CEP63: variants seen among roughly 807,000 people sequenced by gnomAD.
CEP63 encodes the protein centrosomal protein 63.
CEP63 carries 84 observed loss-of-function variants against 89.1 expected under a neutral mutation model. The observed-to-expected ratio is 0.94, with a 90% confidence interval of 0.79 to 1.13. The LOEUF is 1.13. CEP63 is among the 50% of genes most tolerant of loss of function. CEP63 has a pLI of 0.00. For missense variants in CEP63, 838 were observed against 813.3 expected, an observed-to-expected ratio of 1.03 and a Z score of -0.37; for synonymous variants, 267 against 272.5, an observed-to-expected ratio of 0.98 and a Z score of 0.20.
At chr3:134,610,784 G>T in the CEP63 span, 359 of 164,192 alleles carry the variant, frequency 2.2e-3, no homozygotes, top group Non-Finnish European at 3.1e-3. Flanking sequence ...CAATGTTCCT[G>T]CAACAAAACC....
chr3:134,665,702 C>CAGAGAG, the CEP63 span, among the ~76,000 whole-genome samples: 227 of 102,354 alleles, frequency 2.2e-3, 6 homozygotes, highest in African/African-American at 7.1e-3. Context: ...CACACACACA[C>CAGAGAG]AGAGAGAGAG....
chr3:134,668,224 A>G, the CEP63 span, among the ~76,000 whole-genome samples: 1 of 152,194 alleles, frequency 6.6e-6, no homozygotes, highest in African/African-American at 2.4e-5. Context: ...TGGGGGCTAC[A>G]CTGTGATGCT....
At chr3:134,624,178 C>T in the CEP63 span, among the ~76,000 whole-genome samples, 15 of 152,166 alleles carry the variant, frequency 9.9e-5, no homozygotes, top group Non-Finnish European at 1.8e-4. Context: ...CCCTCTCCCC[C>T]ACCTCCCACC....
At chr3:134,676,083 G>T in the CEP63 span, among the ~76,000 whole-genome samples, 1 of 152,246 alleles carries the variant, frequency 6.6e-6, no homozygotes, top group South Asian at 2.1e-4. Context: ...CTGCTCCTAG[G>T]TATATACCCA....
chr3:134,577,003 A>C (rs112158666), downstream of CEP63, among the ~76,000 whole-genome samples: 83 of 152,344 alleles, frequency 5.4e-4, no homozygotes, highest in African/African-American at 1.9e-3. Flanking sequence ...TAAAGTTTGT[A>C]ACCTCTGCTC....
the CEP63 span, among the ~76,000 whole-genome samples, chr3:134,760,396 T>C: frequency 6.6e-6 from 1 of 152,150 alleles, no homozygotes; most frequent in African/African-American, 2.4e-5. Flanking sequence ...TGCTACACAG[T>C]GCAGCAGGAA....
chr3:134,527,870 A>AGTTCGGGTCCAACAGTTGCCTT lies in CEP63; in HGVS notation c.223-3974_223-3953dup, dbSNP rs548328557. Among the ~76,000 whole-genome samples the AGTTCGGGTCCAACAGTTGCCTT allele has an allele frequency of 5.8e-4, 88 of 152,292 alleles. No individual in the cohort carries two copies. The East Asian group carries it at 0.015, about 26-fold the overall frequency. ...TATGATGGACAAGACTACCCTGCAG[A>AGTTCGGGTCCAACAGTTGCCTT]GTTCGGGTCCAACAGTTGCCTTAGA... On this transcript the variant is annotated intron_variant, in intron 3 of 14. Transcript: ENST00000675561.
At chr3:134,508,007 C>T (rs1421080499) in intron 3 of CEP63, among the ~76,000 whole-genome samples, 3 of 152,158 alleles carry the variant, frequency 2.0e-5, no homozygotes, top group Non-Finnish European at 4.4e-5. Flanking sequence ...TAGGGGAGCA[C>T]TGGTCCCATT....
rs1215585840 is a variant in CEP63 at position 134,495,328 on chromosome 3, C to T, written c.8C>T (p.Ala3Val). The T allele has an allele frequency of 6.2e-7, 1 of 1,613,590 alleles. No homozygotes were observed. The highest frequency in any genetic ancestry group is 1.1e-5 in the South Asian group (1 of 91,022). ...AACAAAGGGGATTTGGTGATGGAGG[C>T]TTTGTTAGAAGGAATACAAAATCGA... ME[A>V]LLEGIQNRGH... The change falls in exon 2 of 15, where the codon GCT (alanine) becomes GTT (valine). Residue 3 changes from alanine (A) to valine (V), a missense_variant. Coordinates refer to ENST00000675561, the MANE Select transcript of CEP63 (RefSeq NM_001353108.3).
At chr3:134,775,408 C>T in the CEP63 span, among the ~76,000 whole-genome samples, 1 of 152,140 alleles carries the variant, frequency 6.6e-6, no homozygotes, top group Admixed American at 6.5e-5. Flanking sequence ...CCTTTGGAAT[C>T]CCTACTTCAG....
intron 3 of CEP63, among the ~76,000 whole-genome samples, chr3:134,529,594 G>C (rs925093082): frequency 6.6e-6 from 1 of 152,068 alleles, no homozygotes; most frequent in Non-Finnish European, 1.5e-5. Flanking sequence ...GCCTGCCTTG[G>C]CCTCCCAAAG....
At chr3:134,662,157 A>G in the CEP63 span, among the ~76,000 whole-genome samples, 1 of 152,102 alleles carries the variant, frequency 6.6e-6, no homozygotes, top group Non-Finnish European at 1.5e-5. Context: ...CATGCTGGTA[A>G]TCCCAGCTAC....
the CEP63 span, among the ~76,000 whole-genome samples, chr3:134,688,988 G>A: frequency 3.3e-5 from 5 of 152,174 alleles, no homozygotes; most frequent in African/African-American, 1.2e-4. Context: ...TGAGCATTGA[G>A]CCATTGATTT....
At chr3:134,775,652 G>A in the CEP63 span, among the ~76,000 whole-genome samples, 8 of 152,134 alleles carry the variant, frequency 5.3e-5, no homozygotes, top group South Asian at 1.7e-3. Flanking sequence ...TCTGTCTCAG[G>A]GTCTGATTCT....
the CEP63 span, among the ~76,000 whole-genome samples, chr3:134,677,365 G>A: frequency 6.6e-6 from 1 of 152,186 alleles, no homozygotes; most frequent in African/African-American, 2.4e-5. Flanking sequence ...GTTTCCATGT[G>A]TTTACCTCTG....
At chr3:134,508,312 A>G (rs543009590) in intron 3 of CEP63, among the ~76,000 whole-genome samples, 2 of 152,350 alleles carry the variant, frequency 1.3e-5, no homozygotes, top group East Asian at 3.9e-4. Context: ...CTAAATTGCA[A>G]TTAATTTAAA....
the CEP63 span, among the ~76,000 whole-genome samples, chr3:134,734,600 T>G: frequency 6.6e-6 from 1 of 152,208 alleles, no homozygotes; most frequent in Non-Finnish European, 1.5e-5. Context: ...TCTTATTGAT[T>G]TGAAAATTTA....
chr3:134,543,534 T>C (rs186688366), intron 6 of CEP63, among the ~76,000 whole-genome samples: 1 of 152,346 alleles, frequency 6.6e-6, no homozygotes, highest in African/African-American at 2.4e-5. Context: ...GACTCACTGG[T>C]TAAAGTATGC....
chr3:134,565,611 A>G (rs73221374), downstream of CEP63, among the ~76,000 whole-genome samples: 134 of 152,314 alleles, frequency 8.8e-4, no homozygotes, highest in Non-Finnish European at 1.5e-3. Flanking sequence ...AGTAACAAAC[A>G]GAATCGGGGC....
Sources: gnomAD v4.1 joint callset for allele counts (sites outside exome capture counted in the v4.1 genomes callset) on GRCh38, gnomAD v4.1.1 for gene constraint, MANE v1.5 for transcripts, NCBI Gene and HGNC (gene_info 2026-07-23, HGNC 2026-07-21) for gene names.